The following TMEM67 variants were observed in gnomAD, a reference collection of about 807,000 sequenced individuals.
The protein encoded by TMEM67 is transmembrane protein 67.
A neutral mutation model predicts 136.6 loss-of-function variants in TMEM67; 124 were observed. The ratio of observed to expected loss-of-function variants is 0.91; its 90% confidence interval spans 0.78 to 1.05. The LOEUF (loss-of-function observed/expected upper bound fraction) is 1.05. Among genes scored for constraint, TMEM67 ranks in the 50% least tolerant of loss-of-function variants. The pLI, the probability that TMEM67 is intolerant of heterozygous loss-of-function variation, is 0.00. For missense variants in TMEM67, 1,107 were observed against 1,178.4 expected, an observed-to-expected ratio of 0.94 and a Z score of 0.89; for synonymous variants, 364 against 390.5, an observed-to-expected ratio of 0.93 and a Z score of 0.80.
intron 16 of TMEM67, among the ~76,000 whole-genome samples, chr8:93,793,913 C>T (rs1287535388): frequency 6.6e-6 from 1 of 151,612 alleles, no homozygotes; most frequent in Non-Finnish European, 1.5e-5. Context: ...TTTTTTGAGA[C>T]GGAGTCTCAC....
chr8:93,822,400 G>A (rs1313945608), downstream of TMEM67, among the ~76,000 whole-genome samples: 1 of 152,172 alleles, frequency 6.6e-6, no homozygotes, highest in Non-Finnish European at 1.5e-5. Flanking sequence ...TAAAGTGAGG[G>A]GATTCGCGTT....
chr8:93,761,729 TA>T (rs1812844288), intron 3 of TMEM67, among the ~76,000 whole-genome samples: 1 of 152,246 alleles, frequency 6.6e-6, no homozygotes, highest in African/African-American at 2.4e-5. Context: ...AGATTTGGAA[TA>T]ATTTATTCAT....
In TMEM67 at chr8:93,803,620, T is replaced by G; in HGVS notation, c.2258T>G (p.Val753Gly). 6.2e-7 allele frequency: 1 copy of G among 1,601,122 alleles called. No individual in the cohort carries two copies. Among genetic ancestry groups the G allele is most frequent in the African/African-American group, 1.3e-5 (1 of 74,786 alleles). The change falls in exon 22 of 28, where the codon GTC (valine) becomes GGC (glycine). Residue 753 changes from valine (V) to glycine (G), a missense_variant. By Grantham distance (109) the Val-to-Gly change is moderately radical. This residue lies in a region of TMEM67 where 925 missense variants were observed against 1,002.4 expected (regional missense o/e 0.92). Coordinates refer to ENST00000453321, the MANE Select transcript of TMEM67 (RefSeq NM_153704.6). The stretch of plus-strand genomic sequence containing the variant: ...ATGTTTCAGGTCGTGTTCTTTGCTG[T>G]CTTTTATGAGAGATTTATAGAAGAT... ...IGIIQVVFFAVFYERFIEDKI... is the reference protein window; with the variant it reads ...IGIIQVVFFAGFYERFIEDKI...
chr8:93,785,057 C>T (rs887448715), intron 11 of TMEM67, among the ~76,000 whole-genome samples, 165 bp from the exon 12 acceptor site: 57 of 152,016 alleles, frequency 3.7e-4, no homozygotes, highest in African/African-American at 1.2e-3. Flanking sequence ...AATGAAAATG[C>T]ATATAAACAA....
chr8:93,787,765 T>G (rs888025496), intron 13 of TMEM67, 79 bp from the exon 14 acceptor site: 17 of 1,122,498 alleles, frequency 1.5e-5, no homozygotes, highest in Non-Finnish European at 2.3e-5. Context: ...CATATTAAAT[T>G]CAAAAGAAAT....
chr8:93,776,354 G>A (rs536450328), intron 7 of TMEM67, among the ~76,000 whole-genome samples: 81 of 152,144 alleles, frequency 5.3e-4, no homozygotes, highest in African/African-American at 1.9e-3. Flanking sequence ...TCTTTCTCTT[G>A]CCTGATTGCC....
chr8:93,766,860 T>C (rs1400915702), intron 6 of TMEM67, among the ~76,000 whole-genome samples: 1 of 152,174 alleles, frequency 6.6e-6, no homozygotes, highest in African/African-American at 2.4e-5. Context: ...CATAGGTAGC[T>C]CTGGGATTAT....
the TMEM67 span, among the ~76,000 whole-genome samples, chr8:93,832,324 G>A: frequency 6.6e-6 from 1 of 152,188 alleles, no homozygotes; most frequent in East Asian, 1.9e-4. Flanking sequence ...ACCCATGGAG[G>A]CTACAGGAAA....
chr8:93,755,198 T>G, intron 1 of TMEM67, 61 bp downstream of exon 1: 1 of 1,446,186 alleles, frequency 6.9e-7, no homozygotes, highest in Non-Finnish European at 9.7e-7. Flanking sequence ...CGGCCCCTAG[T>G]CCCCGTAAAT....
rs185405043 is a variant in TMEM67, at chr8:93,778,309, T to G, written c.715-2284T>G. Among the ~76,000 whole-genome samples, 227 of 152,342 alleles carry G rather than the reference T, an allele frequency of 1.5e-3. 1 individual carries two copies. The highest frequency in any genetic ancestry group is 5.2e-3 in the African/African-American group (215 of 41,576). On this transcript the variant is annotated intron_variant, in intron 7 of 27. Transcript: ENST00000453321. ...TGATGGGTCTTTACTCTTTATCCAA[T>G]TTGCCAGTCTGTGTCTTTTAATTGG...
intron 13 of TMEM67, 23 bp downstream of exon 13, chr8:93,786,369 T>C (rs1477734446): frequency 6.2e-7 from 1 of 1,611,336 alleles, no homozygotes. Flanking sequence ...CTAATGATAT[T>C]ATTTATGGGA....
At chr8:93,789,338 A>G (rs1322679096) in intron 14 of TMEM67, among the ~76,000 whole-genome samples, 2 of 152,284 alleles carry the variant, frequency 1.3e-5, no homozygotes, top group Middle Eastern at 6.8e-3. Context: ...GCTTGTATAC[A>G]CTGTAATGAG....
intron 7 of TMEM67, among the ~76,000 whole-genome samples, chr8:93,777,199 C>A (rs570191685): frequency 2.0e-5 from 3 of 152,082 alleles, no homozygotes; most frequent in Admixed American, 1.3e-4. Context: ...GTGGTGATAT[C>A]GCCTTTATCA....
rs745864234 is a variant in TMEM67 at position 93,799,687 on chromosome 8, A to C, written c.2170A>C (p.Ile724Leu). 6.2e-7 allele frequency: 1 copy of C among 1,613,716 alleles called. No individual in the cohort carries two copies. Among genetic ancestry groups the C allele is most frequent in the East Asian group, 2.2e-5 (1 of 44,850 alleles). Residue 724 changes from isoleucine to leucine, a missense_variant, in exon 21 of 28, where the codon ATA (isoleucine) becomes CTA (leucine). Ile to Leu is a conservative substitution (Grantham distance 5, BLOSUM62 2). Transcript: ENST00000453321. ...TCTTTCTAGAAACCCACCTAGCTAC[A>C]TAGCTCCTTATAGCTGCATTTTGAG... ...SSLSRNPPSY[I>L]APYSCILRYA...
intron 6 of TMEM67, among the ~76,000 whole-genome samples, chr8:93,766,381 G>T (rs1465434056): frequency 6.6e-6 from 1 of 152,170 alleles, no homozygotes; most frequent in Non-Finnish European, 1.5e-5. Flanking sequence ...GCCTCCCAAA[G>T]TGCTGGGATT....
chr8:93,759,118 G>C (rs1308216076), intron 3 of TMEM67: 1 of 152,190 alleles, frequency 6.6e-6, no homozygotes, highest in Non-Finnish European at 1.5e-5. Context: ...TCCTGTTAAT[G>C]TCAGGACCTG....
At position 93,809,133 on chromosome 8, in the gene TMEM67, A is replaced by G. The variant is rs1332252235; in HGVS notation, c.2633A>G (p.Asn878Ser). The G allele has an allele frequency of 4.4e-6, 7 of 1,605,684 alleles. No homozygotes were observed. The highest frequency in any genetic ancestry group is 4.5e-5 in the East Asian group (2 of 44,728). Residue 878 changes from asparagine (N) to serine (S), a missense_variant, in exon 25 of 28, where the codon AAT becomes AGT. This residue lies in a region of TMEM67 where 925 missense variants were observed against 1,002.4 expected (regional missense o/e 0.92). Transcript: ENST00000453321. The part of the protein sequence containing the change: ...EQSIKAYHMM[N>S]KFLGSFIDHV... ...AGTATAAAAGCATATCATATGATGA[A>G]TAAATTTCTTGGCTCCTTCATTGAC...
intron 22 of TMEM67, among the ~76,000 whole-genome samples, chr8:93,804,298 CTCTTTTCTTT>C (rs780151755): frequency 1.0e-5 from 1 of 99,252 alleles, no homozygotes; most frequent in Non-Finnish European, 2.0e-5. Context: ...CTTTTCTTTT[CTCTTTTCTTT>C]TCTTTTTTTT....
intron 23 of TMEM67, 149 bp downstream of exon 23, chr8:93,805,027 C>T (rs1815075124): frequency 8.6e-6 from 5 of 579,820 alleles, no homozygotes; most frequent in Admixed American, 5.3e-5. Flanking sequence ...GGCTGGAGTG[C>T]AGTGGCGCAA....
Sources: allele counts gnomAD v4.1 joint callset (sites outside exome capture counted in the v4.1 genomes callset), GRCh38; gene constraint gnomAD v4.1.1; regional missense constraint gnomAD v4.1.1; transcripts MANE v1.5; gene names NCBI Gene and HGNC (gene_info 2026-07-23, HGNC 2026-07-21).